The following FOCAD variants were observed in gnomAD, a reference collection of about 807,000 sequenced individuals.
FOCAD encodes the protein focadhesin.
In FOCAD, 198 loss-of-function variants were observed where a neutral mutation model predicts 225.6. That is an observed-to-expected ratio of 0.88 (90% CI 0.78 to 0.99). FOCAD has a LOEUF of 0.99. FOCAD is among the 50% of genes least tolerant of loss of function. The pLI, the probability that FOCAD is intolerant of heterozygous loss-of-function variation, is 0.00. For missense variants in FOCAD, 2,713 were observed against 2,123.6 expected (o/e 1.28, Z -5.46); for synonymous variants, 897 against 755.0 (o/e 1.19, Z -3.08).
chr9:20,711,237 G>T (rs2131476335), intron 1 of FOCAD, among the ~76,000 whole-genome samples: 1 of 152,330 alleles, frequency 6.6e-6, no homozygotes. Flanking sequence ...TGGGAGAGAA[G>T]AAATGAAATC....
intron 39 of FOCAD, 113 bp downstream of exon 39, chr9:20,982,559 A>T: frequency 1.3e-6 from 1 of 773,894 alleles, no homozygotes; most frequent in Admixed American, 2.2e-5. Flanking sequence ...GTTATTGGTT[A>T]ATTTCAGGAA....
At chr9:20,822,037 T>C (rs1824385597) in intron 14 of FOCAD, among the ~76,000 whole-genome samples, 1 of 145,154 alleles carries the variant, frequency 6.9e-6, no homozygotes, top group Non-Finnish European at 1.5e-5. Flanking sequence ...GTTACATGTG[T>C]GTAACCCAAG....
chr9:20,749,647 C>T (rs1587007697), intron 5 of FOCAD, among the ~76,000 whole-genome samples: 1 of 152,064 alleles, frequency 6.6e-6, no homozygotes, highest in Middle Eastern at 3.2e-3. Flanking sequence ...CTGAAAGCAC[C>T]AGGGTCACAG....
Position 20,770,079 on chromosome 9 carries a change from A to G in FOCAD, c.747A>G (p.Glu249=), listed in dbSNP as rs773024068. 3.7e-6 allele frequency: 6 copies of G among 1,614,084 alleles called. No homozygotes were observed. Among genetic ancestry groups the G allele is most frequent in the Non-Finnish European group, 3.4e-6 (4 of 1,179,974 alleles). Residue 249 remains glutamate (E), a synonymous_variant, in exon 8 of 44, where the codon GAA becomes GAG. Coordinates refer to ENST00000338382, the MANE Select transcript of FOCAD (RefSeq NM_001375567.1). ...CAGAGGCGATGATGTTTATTGAGGA[A>G]GTATGTTTAAGCCTTTTGCGTCATC... is the stretch of plus-strand genomic sequence containing the variant. ...QTTEAMMFIE[E]VCLSLLRHPV... is the part of the protein sequence containing the mutation.
intron 28 of FOCAD, among the ~76,000 whole-genome samples, chr9:20,942,313 G>A (rs1836746782): frequency 6.6e-6 from 1 of 152,162 alleles, no homozygotes; most frequent in African/African-American, 2.4e-5. Flanking sequence ...TGATGAAAGA[G>A]GGGCTTCAAT....
intron 16 of FOCAD, chr9:20,862,951 A>T (rs1828911147): frequency 3.2e-6 from 1 of 314,610 alleles, no homozygotes; most frequent in Non-Finnish European, 5.7e-6. Context: ...TTTTAAAGTC[A>T]ATATTGTAAA....
At chr9:20,808,483 G>A (rs935885837) in intron 11 of FOCAD, among the ~76,000 whole-genome samples, 1 of 152,166 alleles carries the variant, frequency 6.6e-6, no homozygotes, top group Non-Finnish European at 1.5e-5. Flanking sequence ...AGTACTTCGA[G>A]TATTCTTTGC....
chr9:20,825,146 C>CATGTGTGT (rs35210521), intron 15 of FOCAD, among the ~76,000 whole-genome samples: 3 of 138,990 alleles, frequency 2.2e-5, no homozygotes, highest in South Asian at 2.4e-4. Flanking sequence ...TCAAGCTTTG[C>CATGTGTGT]GTGTGTGTGT....
intron 23 of FOCAD, 99 bp from the exon 24 acceptor site, chr9:20,916,793 TG>T: frequency 9.6e-7 from 1 of 1,042,972 alleles, no homozygotes. Flanking sequence ...TTTTAAGATC[TG>T]GAGCCATTGC....
intron 10 of FOCAD, among the ~76,000 whole-genome samples, chr9:20,784,882 A>G (rs1232371783): frequency 6.6e-6 from 1 of 151,568 alleles, no homozygotes; most frequent in Admixed American, 6.6e-5. Context: ...ATGTGGGCCA[A>G]CTCGTATTTC....
intron 35 of FOCAD, among the ~76,000 whole-genome samples, chr9:20,958,694 G>C (rs979291607): frequency 2.0e-5 from 3 of 151,984 alleles, no homozygotes; most frequent in African/African-American, 7.3e-5. Flanking sequence ...TCTTCCCCCT[G>C]CTCTTTCCTA....
At chr9:20,917,812 A>G (rs1050226905) in intron 24 of FOCAD, among the ~76,000 whole-genome samples, 1 of 152,180 alleles carries the variant, frequency 6.6e-6, no homozygotes, top group African/African-American at 2.4e-5. Flanking sequence ...ACAAAAAATG[A>G]TCTACCTTAG....
intron 1 of FOCAD, among the ~76,000 whole-genome samples, chr9:20,692,236 C>T (rs1298890237): frequency 6.6e-6 from 1 of 152,112 alleles, no homozygotes; most frequent in African/African-American, 2.4e-5. Flanking sequence ...TTTCCTATTT[C>T]AGTTAACAGA....
chr9:20,659,363 C>T (rs200653062), intron 2 of FOCAD, among the ~76,000 whole-genome samples: 2 of 147,004 alleles, frequency 1.4e-5, no homozygotes, highest in African/African-American at 5.1e-5. Flanking sequence ...GTCAAGATGG[C>T]GCCACTGCAC....
rs114004276 is a variant in FOCAD, at chr9:20,729,816, A to G, written c.287+9282A>G. Reference sequence around the variant, plus strand: ...AATACAAGTGACTAATACTAGATCTATGTTGCTCAGACAGGGATAGAAGGA... The same window carrying G: ...AATACAAGTGACTAATACTAGATCTGTGTTGCTCAGACAGGGATAGAAGGA... On this transcript the variant is annotated intron_variant, in intron 4 of 43. Transcript: ENST00000338382. Among the ~76,000 whole-genome samples, 1,014 of 152,264 alleles carry G rather than the reference A, an allele frequency of 6.7e-3. 13 individuals carry two copies. Among genetic ancestry groups the G allele is most frequent in the African/African-American group, 0.023 (953 of 41,542 alleles).
chr9:20,789,405 G>A lies in FOCAD; in HGVS notation c.1252G>A (p.Ala418Thr), dbSNP rs1346272505. 6.8e-6 allele frequency: 11 copies of A among 1,613,992 alleles called. No individual in the cohort carries two copies. Among genetic ancestry groups the A allele is most frequent in the Non-Finnish European group, 9.3e-6 (11 of 1,179,956 alleles). ...VTSMYGTIFT[A>T]WRILEVMTDS... ...CAGTATGTATGGTACAATATTTACA[G>A]CCTGGAGGATTCTTGAAGTAATGAC... Residue 418 changes from alanine (A) to threonine (T), a missense_variant, in exon 11 of 44, where the codon GCC (alanine) becomes ACC (threonine). Transcript: ENST00000338382.
At position 20,871,454 on chromosome 9, in the gene FOCAD, C is replaced by G. The variant is rs549381964; in HGVS notation, c.2191-3227C>G. On this transcript the variant is annotated intron_variant, in intron 18 of 43. Transcript: ENST00000338382. ...TTTATAACCTTAACAGGAATTCTTTCAACTGAGTTCTCTTGATTCTCTATA... is the reference window on the plus strand; with the variant it reads ...TTTATAACCTTAACAGGAATTCTTTGAACTGAGTTCTCTTGATTCTCTATA... 2.6e-5 allele frequency among the ~76,000 whole-genome samples: 4 copies of G among 151,892 alleles called. No homozygotes were observed. In the South Asian group the frequency reaches 8.3e-4, roughly 32 times the overall value.
intron 4 of FOCAD, among the ~76,000 whole-genome samples, chr9:20,728,796 A>G (rs1320990299): frequency 2.6e-5 from 4 of 152,238 alleles, no homozygotes; most frequent in Non-Finnish European, 5.9e-5. Context: ...TACCAGTTAC[A>G]GAAATCCACT....
intron 5 of FOCAD, among the ~76,000 whole-genome samples, chr9:20,757,550 G>A (rs1829165965): frequency 6.6e-6 from 1 of 152,120 alleles, no homozygotes; most frequent in South Asian, 2.1e-4. Flanking sequence ...TTGTTAAGAT[G>A]GAAGGAATAT....
Sources: allele counts gnomAD v4.1 joint callset (sites outside exome capture counted in the v4.1 genomes callset), GRCh38; gene constraint gnomAD v4.1.1; transcripts MANE v1.5; gene names NCBI Gene and HGNC (gene_info 2026-07-23, HGNC 2026-07-21).